The following LOC400499 variants were observed in gnomAD, a reference collection of about 807,000 sequenced individuals.
the LOC400499 span, among the ~76,000 whole-genome samples, chr16:11,517,096 T>C: frequency 6.6e-6 from 1 of 152,134 alleles, no homozygotes; most frequent in African/African-American, 2.4e-5. Flanking sequence ...TTCATCCACC[T>C]GGGGAGAGCA....
At chr16:11,456,042 A>AT in the LOC400499 span, among the ~76,000 whole-genome samples, 5 of 124,214 alleles carry the variant, frequency 4.0e-5, no homozygotes, top group Non-Finnish European at 5.5e-5. Context: ...TCGTGGATAA[A>AT]ATTTTTTTTT....
At chr16:11,458,119 C>T in the LOC400499 span, among the ~76,000 whole-genome samples, 1 of 152,132 alleles carries the variant, frequency 6.6e-6, no homozygotes, top group African/African-American at 2.4e-5. Context: ...CCAAGGCAGG[C>T]GGATCACCCG....
the LOC400499 span, among the ~76,000 whole-genome samples, chr16:11,379,294 C>CCTAT: frequency 6.6e-6 from 1 of 152,142 alleles, no homozygotes; most frequent in Non-Finnish European, 1.5e-5. Context: ...TTATCGTAGA[C>CCTAT]CTATCTGTTT....
chr16:11,459,424 CTGATCTCG>C, the LOC400499 span, among the ~76,000 whole-genome samples: 1 of 152,110 alleles, frequency 6.6e-6, no homozygotes, highest in South Asian at 2.1e-4. Flanking sequence ...TCTCGATCTC[CTGATCTCG>C]TGATCCGCCC....
chr16:11,386,315 C>T, the LOC400499 span, among the ~76,000 whole-genome samples: 2 of 152,238 alleles, frequency 1.3e-5, no homozygotes, highest in East Asian at 1.9e-4. Context: ...AGGCACCTGT[C>T]GGCCAGTCCC....
the LOC400499 span, among the ~76,000 whole-genome samples, chr16:11,428,970 C>A: frequency 6.6e-6 from 1 of 151,996 alleles, no homozygotes; most frequent in African/African-American, 2.4e-5. Flanking sequence ...GTAGGGACTC[C>A]CACGGGGCAA....
the LOC400499 span, among the ~76,000 whole-genome samples, chr16:11,377,150 C>T: frequency 6.6e-6 from 1 of 152,128 alleles, no homozygotes; most frequent in Non-Finnish European, 1.5e-5. Context: ...TTCTTGGATT[C>T]TTGACTGTTA....
chr16:11,525,710 C>A, the LOC400499 span, among the ~76,000 whole-genome samples: 416 of 152,354 alleles, frequency 2.7e-3, 2 homozygotes, highest in African/African-American at 9.4e-3. Flanking sequence ...GCCCACCAGC[C>A]TCCAGCCACC....
At chr16:11,495,383 C>CT in the LOC400499 span, among the ~76,000 whole-genome samples, 3,068 of 143,596 alleles carry the variant, frequency 0.021, 52 homozygotes, top group Non-Finnish European at 0.033. Flanking sequence ...ACCAACAAAT[C>CT]TTTTTTTTTT....
the LOC400499 span, among the ~76,000 whole-genome samples, chr16:11,486,909 G>A: frequency 3.4e-3 from 437 of 127,354 alleles, 7 homozygotes; most frequent in African/African-American, 0.013. Context: ...AATGAATCAT[G>A]GGTGGGTGGT....
chr16:11,435,253 C>T, the LOC400499 span, among the ~76,000 whole-genome samples: 2 of 152,092 alleles, frequency 1.3e-5, no homozygotes, highest in Admixed American at 6.5e-5. Context: ...GCTGGGACTA[C>T]AGGTGCACCC....
chr16:11,424,673 G>C, the LOC400499 span, among the ~76,000 whole-genome samples: 6 of 152,280 alleles, frequency 3.9e-5, no homozygotes, highest in East Asian at 1.2e-3. Flanking sequence ...GGGAAACAGG[G>C]GTCTGATTGT....
chr16:11,391,861 C>A, the LOC400499 span: 20 of 1,223,698 alleles, frequency 1.6e-5, no homozygotes, highest in Non-Finnish European at 1.9e-5. Flanking sequence ...GCCGGCTGCA[C>A]CTGGACAGGG....
the LOC400499 span, chr16:11,396,306 C>A: frequency 2.6e-5 from 11 of 430,180 alleles, no homozygotes; most frequent in Non-Finnish European, 4.2e-5. Flanking sequence ...TGTCTTGGCG[C>A]CAGGGCCAGG....
chr16:11,457,851 G>T, the LOC400499 span, among the ~76,000 whole-genome samples: 6 of 152,104 alleles, frequency 3.9e-5, no homozygotes, highest in African/African-American at 1.4e-4. Context: ...AAGGAAATTT[G>T]ACACATGCTA....
At chr16:11,445,276 C>G in the LOC400499 span, among the ~76,000 whole-genome samples, 1 of 151,888 alleles carries the variant, frequency 6.6e-6, no homozygotes, top group Non-Finnish European at 1.5e-5. Flanking sequence ...CAAAAATTAG[C>G]CAGGAGTGGG....
At chr16:11,458,992 A>G in the LOC400499 span, among the ~76,000 whole-genome samples, 1 of 151,744 alleles carries the variant, frequency 6.6e-6, no homozygotes, top group African/African-American at 2.4e-5. Flanking sequence ...AGCCAAGATC[A>G]TACCATTGCA....
the LOC400499 span, among the ~76,000 whole-genome samples, chr16:11,462,655 AC>A: frequency 1.3e-5 from 2 of 152,218 alleles, no homozygotes; most frequent in South Asian, 4.1e-4. Flanking sequence ...GGTCCTGAGC[AC>A]AAGTGATCCA....
chr16:11,433,115 T>A, the LOC400499 span, among the ~76,000 whole-genome samples: 1 of 152,366 alleles, frequency 6.6e-6, no homozygotes, highest in Middle Eastern at 3.4e-3. Flanking sequence ...GACACTCTTG[T>A]ACCGCAATGG....
Sources: allele counts gnomAD v4.1 joint callset (sites outside exome capture counted in the v4.1 genomes callset), GRCh38; gene constraint gnomAD v4.1.1; transcripts MANE v1.5.